Variants in ZPBP observed in about 807,000 individuals in gnomAD.
ZPBP encodes the protein zona pellucida-binding protein 1.
A neutral mutation model predicts 44.8 loss-of-function variants in ZPBP; 26 were observed. The ratio of observed to expected loss-of-function variants is 0.58; its 90% CI spans 0.43 to 0.81. The LOEUF is 0.81. Among genes scored for constraint, ZPBP ranks in the 30% least tolerant of loss-of-function variants. The pLI is 0.00. For synonymous variants in ZPBP, 174 were observed against 153.2 expected (o/e 1.14, Z -1.00); for missense variants, 409 against 434.0 (o/e 0.94, Z 0.51).
chr7:49,975,626 T>C (rs1796479217), intron 7 of ZPBP, among the ~76,000 whole-genome samples: 1 of 152,208 alleles, frequency 6.6e-6, no homozygotes, highest in African/African-American at 2.4e-5. Flanking sequence ...AAAATTCTCA[T>C]TGTGAATCTC....
At chr7:49,880,313 G>C (rs73111333) in intron 2 of ZPBP, among the ~76,000 whole-genome samples, 1 of 151,754 alleles carries the variant, frequency 6.6e-6, no homozygotes, top group Admixed American at 6.6e-5. Context: ...TATTTTTAAC[G>C]CATGATGCTG....
intron 7 of ZPBP, among the ~76,000 whole-genome samples, chr7:49,980,497 C>T (rs540538976): frequency 8.6e-5 from 13 of 151,566 alleles, no homozygotes; most frequent in African/African-American, 3.1e-4. Flanking sequence ...ATTTGTCTCA[C>T]GATTCTGATG....
intron 5 of ZPBP, among the ~76,000 whole-genome samples, chr7:50,020,878 T>A (rs993495076): frequency 1.3e-5 from 2 of 152,004 alleles, no homozygotes; most frequent in African/African-American, 2.4e-5. Flanking sequence ...CTCTGTCAAG[T>A]CAGTAGCTAA....
At chr7:49,904,202 CTT>C (rs1255142524) in intron 1 of ZPBP, among the ~76,000 whole-genome samples, 2 of 152,136 alleles carry the variant, frequency 1.3e-5, no homozygotes, top group Non-Finnish European at 2.9e-5. Context: ...ACAGGCTGCT[CTT>C]TGTTAGAAAA....
chr7:49,969,976 C>T (rs1447798865), intron 7 of ZPBP, among the ~76,000 whole-genome samples: 1 of 151,790 alleles, frequency 6.6e-6, no homozygotes, highest in Non-Finnish European at 1.5e-5. Context: ...TCTCATGTCT[C>T]GGCTTCCCTA....
chr7:49,963,284 TG>T (rs1404739580), intron 7 of ZPBP, among the ~76,000 whole-genome samples: 1 of 151,720 alleles, frequency 6.6e-6, no homozygotes, highest in African/African-American at 2.4e-5. Context: ...ACATTGCTGG[TG>T]GGTGTGTAAA....
intron 2 of ZPBP, among the ~76,000 whole-genome samples, chr7:49,888,295 G>A (rs1791982615): frequency 6.6e-6 from 1 of 152,130 alleles, no homozygotes; most frequent in Non-Finnish European, 1.5e-5. Flanking sequence ...TTTGTTCACA[G>A]TAACTTGGTA....
At chr7:50,081,994 TAA>T (rs1252107712) in intron 2 of ZPBP, 95 bp from the exon 3 acceptor site, 2 of 1,407,190 alleles carry the variant, frequency 1.4e-6, no homozygotes, top group Non-Finnish European at 2.0e-6. Flanking sequence ...CATGCAATAA[TAA>T]GAGTACTTTG....
At chr7:49,892,578 C>A (rs1048195583) in intron 2 of ZPBP, among the ~76,000 whole-genome samples, 2 of 152,102 alleles carry the variant, frequency 1.3e-5, no homozygotes, top group African/African-American at 4.8e-5. Context: ...TGGTCATGTT[C>A]TGTTTCTTGA....
At chr7:49,871,950 CACACACA>C (rs1212832087) in intron 2 of ZPBP, among the ~76,000 whole-genome samples, 32 of 101,154 alleles carry the variant, frequency 3.2e-4, no homozygotes, top group Non-Finnish European at 5.0e-4. Flanking sequence ...CACACACACA[CACACACA>C]CCGAGAAAGA....
chr7:50,024,377 T>A (rs186514116), intron 5 of ZPBP, among the ~76,000 whole-genome samples: 2 of 152,126 alleles, frequency 1.3e-5, no homozygotes, highest in East Asian at 3.9e-4. Flanking sequence ...TGCAGCATTA[T>A]TCATAACAGC....
intron 1 of ZPBP, among the ~76,000 whole-genome samples, chr7:49,904,760 G>C (rs190478264): frequency 1.4e-4 from 21 of 147,358 alleles, no homozygotes; most frequent in African/African-American, 5.2e-4. Context: ...TTTTGAGATG[G>C]AGTATCACTC....
intron 2 of ZPBP, among the ~76,000 whole-genome samples, chr7:49,888,605 A>G (rs1489894753): frequency 2.0e-5 from 3 of 152,208 alleles, no homozygotes; most frequent in Admixed American, 2.0e-4. Flanking sequence ...CCCTGGCCCA[A>G]GGGTGTTTAT....
intron 1 of ZPBP, chr7:49,915,799 T>C (rs1244559084): frequency 6.6e-6 from 1 of 152,208 alleles, no homozygotes; most frequent in African/African-American, 2.4e-5. Flanking sequence ...ATCATATTTT[T>C]CCCCAACATA....
At chr7:49,996,120 T>C (rs1797826777) in intron 6 of ZPBP, among the ~76,000 whole-genome samples, 1 of 152,192 alleles carries the variant, frequency 6.6e-6, no homozygotes, top group Non-Finnish European at 1.5e-5. Flanking sequence ...ATTACATGTA[T>C]CCCGTCAATA....
chr7:49,853,109 C>T (rs1790261417), intron 2 of ZPBP, among the ~76,000 whole-genome samples: 1 of 152,234 alleles, frequency 6.6e-6, no homozygotes, highest in African/African-American at 2.4e-5. Flanking sequence ...AGGCAGGCTC[C>T]CAGGCTATGG....
At chr7:49,963,884 C>T in intron 7 of ZPBP, among the ~76,000 whole-genome samples, 1 of 150,632 alleles carries the variant, frequency 6.6e-6, no homozygotes, top group Non-Finnish European at 1.5e-5. Context: ...TTTTGAAAGG[C>T]CAGCATAATA....
At chr7:49,872,973 T>C (rs1336117921) in intron 2 of ZPBP, among the ~76,000 whole-genome samples, 1 of 103,078 alleles carries the variant, frequency 9.7e-6, no homozygotes, top group Non-Finnish European at 2.2e-5. Context: ...TCCAAATAAA[T>C]AATTCTCTAA....
intron 7 of ZPBP, among the ~76,000 whole-genome samples, chr7:49,972,634 T>G (rs371786072): frequency 6.6e-6 from 1 of 152,032 alleles, no homozygotes; most frequent in East Asian, 1.9e-4. Context: ...AGACTTAATA[T>G]TATTAAGATG....
Sources: allele counts gnomAD v4.1 joint callset (sites outside exome capture counted in the v4.1 genomes callset), GRCh38; gene constraint gnomAD v4.1.1; transcripts MANE v1.5; gene names NCBI Gene and HGNC (gene_info 2026-07-23, HGNC 2026-07-21).